MIER2: variants seen among roughly 807,000 people sequenced by gnomAD.
The protein encoded by MIER2 is mesoderm induction early response protein 2.
Under a neutral mutation model 67.6 loss-of-function variants are expected in MIER2, and 30 were observed. The observed-to-expected ratio is 0.44, with a 90% CI of 0.33 to 0.60. The LOEUF (loss-of-function observed/expected upper bound fraction) is 0.60, where lower values mean the gene tolerates loss of function less well. Among genes scored for constraint, MIER2 ranks in the 20% least tolerant of loss-of-function variants. MIER2 has a pLI of 0.02. For synonymous variants in MIER2, 372 were observed against 312.6 expected (o/e 1.19, Z -2.00); for missense variants, 702 against 745.1 (o/e 0.94, Z 0.67).
At chr19:335,866 G>A (rs1049728610) in intron 2 of MIER2, among the ~76,000 whole-genome samples, 1 of 152,138 alleles carries the variant, frequency 6.6e-6, no homozygotes, top group African/African-American at 2.4e-5. Context: ...GATGGTCTTG[G>A]GTCGCCTGGG....
Position 307,529 on chromosome 19 carries a change from C to A in MIER2, c.1206G>T (p.Leu402=). Residue 402 remains leucine, a synonymous_variant, in exon 13 of 14, where the codon CTG becomes CTT. Transcript: ENST00000264819. Reference sequence around the variant, plus strand: ...GACCACCGGCCGTGCCATCCACGCTCAGTGGATCTGTGAAAGAGAACGCAA... The same window carrying A: ...GACCACCGGCCGTGCCATCCACGCTAAGTGGATCTGTGAAAGAGAACGCAA... ...DTLTGMRTDP[L]SVDGTAGGLD... is the part of the protein sequence containing the mutation. 1 of 1,504,856 alleles carries A rather than the reference C, an allele frequency of 6.6e-7. No individual in the cohort carries two copies. The allele number at this position is 1,504,856 out of a possible 1,614,324, so 93.2% of individuals were successfully genotyped here.
chr19:343,774 G>T, intron 1 of MIER2: 2 of 913,904 alleles, frequency 2.2e-6, no homozygotes, highest in Non-Finnish European at 2.6e-6. Flanking sequence ...GAGTCCCACT[G>T]ACTGAGCACC....
rs376370496 is a variant in MIER2 at position 328,118 on chromosome 19, A to C, written c.244-129T>G. ...TGTCACACCCATAGCAACTCCCCAC[A>C]TGGCAGCACTCCCCAGCCAGACCTC... On this transcript the variant is annotated intron_variant, in intron 3 of 13. Transcript: ENST00000264819. 2.2e-4 allele frequency: 282 copies of C among 1,260,848 alleles called. 2 individuals are homozygous for C. In the South Asian group the frequency reaches 3.8e-3, roughly 17 times the overall value. 78.1% of individuals were successfully genotyped at this position (1,260,848 alleles called of 1,614,324 possible). A position where few individuals can be genotyped will look rare whatever the true frequency, so the allele number is the denominator to read the frequency against.
intron 3 of MIER2, among the ~76,000 whole-genome samples, chr19:329,078 T>C (rs1484417852): frequency 1.7e-4 from 26 of 152,192 alleles, no homozygotes; most frequent in Admixed American, 1.7e-3. Flanking sequence ...TCCACGCTGA[T>C]CCCTGTGGGT....
intron 3 of MIER2, chr19:334,039 G>A: frequency 1.0e-5 from 2 of 195,562 alleles, no homozygotes; most frequent in South Asian, 1.9e-4. Flanking sequence ...TGGCCAAGCT[G>A]GTCTCGAACT....
intron 7 of MIER2, among the ~76,000 whole-genome samples, chr19:315,883 C>T (rs1971216562): frequency 6.6e-6 from 1 of 152,328 alleles, no homozygotes; most frequent in African/African-American, 2.4e-5. Context: ...GACGTGTGCA[C>T]AGGCACAGGA....
chr19:327,039 T>TGG, intron 5 of MIER2, 94 bp downstream of exon 5: 1 of 1,483,472 alleles, frequency 6.7e-7, no homozygotes, highest in Non-Finnish European at 9.0e-7. Context: ...TGATGAGTTC[T>TGG]TGGCCTGCAT....
chr19:313,395 CTCTGCCCTCCCT>C (rs1971100866), intron 8 of MIER2, 85 bp downstream of exon 8: 4 of 1,536,520 alleles, frequency 2.6e-6, no homozygotes, highest in South Asian at 1.2e-5. Context: ...CTGCCCTCCC[CTCTGCCCTCCCT>C]GGCCCCTGGA....
chr19:311,758 A>G, intron 10 of MIER2, 87 bp downstream of exon 10: 2 of 1,291,300 alleles, frequency 1.5e-6, no homozygotes, highest in Middle Eastern at 1.9e-4. Flanking sequence ...CCAGGCCTCC[A>G]GTCGGCCGTG....
intron 4 of MIER2, 130 bp from the exon 5 acceptor site, chr19:327,386 A>T: frequency 8.3e-7 from 1 of 1,207,894 alleles, no homozygotes; most frequent in Admixed American, 2.4e-5. Flanking sequence ...CCCATTCTGC[A>T]AAGGGTGCAC....
In MIER2 at chr19:324,157, G is replaced by A. The variant is rs964515963; in HGVS notation, c.655+1478C>T. Among the ~76,000 whole-genome samples the A allele has an allele frequency of 2.9e-5, 4 of 137,690 alleles. 1 individual carries two copies. The highest frequency in any genetic ancestry group is 4.4e-4 in the South Asian group (2 of 4,542). 90.3% of individuals were successfully genotyped at this position (137,690 alleles called of 152,430 possible). A position where few individuals can be genotyped will look rare whatever the true frequency, so the allele number is the denominator to read the frequency against. On this transcript the variant is annotated intron_variant, in intron 7 of 13. Transcript: ENST00000264819. ...CACAGACGACTCGAATGACACAGGC[G>A]TCATCACAATGCAATACACAGGACA...
chr19:307,425 G>T lies in MIER2; in HGVS notation c.1310C>A (p.Ser437Tyr), dbSNP rs773418677. The T allele has an allele frequency of 2.5e-6, 4 of 1,597,848 alleles. No individual in the cohort carries two copies. Among genetic ancestry groups the T allele is most frequent in the South Asian group, 1.1e-5 (1 of 89,356 alleles). Residue 437 changes from serine (S) to tyrosine (Y), a missense_variant, in exon 13 of 14, where the codon TCC (serine) becomes TAC (tyrosine). Ser to Tyr is a moderately radical substitution (Grantham distance 144, BLOSUM62 -2). This residue lies in a region of MIER2 where 254 missense variants were observed against 262.8 expected (regional missense o/e 0.97). Coordinates refer to ENST00000264819, the MANE Select transcript of MIER2 (RefSeq NM_017550.3). ...CCGATGGGACAGGGGTACAGCGGGG[G>T]ACTCATCCAGCTGCTGGAAGGAACA... is the stretch of plus-strand genomic sequence containing the variant. ...GPCSFQQLDE[S>Y]PAVPLSHRPP...
At chr19:314,686 G>A (rs905572398) in intron 7 of MIER2, among the ~76,000 whole-genome samples, 8 of 151,860 alleles carry the variant, frequency 5.3e-5, no homozygotes, top group Non-Finnish European at 8.8e-5. Context: ...CTCCACAGGC[G>A]ACACCTGAGC....
intron 1 of MIER2, among the ~76,000 whole-genome samples, chr19:337,604 C>T (rs1384238224): frequency 3.9e-5 from 6 of 152,130 alleles, no homozygotes; most frequent in East Asian, 1.9e-4. Flanking sequence ...CGGTGGCTCA[C>T]GCCTGTAATC....
At chr19:307,898 T>TA (rs1431845208) in intron 12 of MIER2, among the ~76,000 whole-genome samples, 1 of 116,840 alleles carries the variant, frequency 8.6e-6, no homozygotes, top group Non-Finnish European at 1.7e-5. Context: ...CGAGGGCTAA[T>TA]ACAGGGTCTT....
intron 3 of MIER2, among the ~76,000 whole-genome samples, chr19:331,440 G>C (rs1396235935): frequency 6.6e-6 from 1 of 151,542 alleles, no homozygotes; most frequent in Non-Finnish European, 1.5e-5. Context: ...GACCTAGGTA[G>C]AAAAATTGCT....
chr19:328,969 G>A (rs1159240716), intron 3 of MIER2, among the ~76,000 whole-genome samples: 5 of 152,150 alleles, frequency 3.3e-5, no homozygotes, highest in East Asian at 1.9e-4. Flanking sequence ...GAAGAGATGC[G>A]AACTATCAAC....
chr19:324,064 G>C (rs1045014359), intron 7 of MIER2, among the ~76,000 whole-genome samples: 2 of 110,496 alleles, frequency 1.8e-5, no homozygotes, highest in Non-Finnish European at 3.6e-5. Flanking sequence ...CAATACACAA[G>C]ACACACACAA....
intron 8 of MIER2, 46 bp downstream of exon 8, chr19:313,446 C>T: frequency 1.3e-6 from 2 of 1,591,300 alleles, no homozygotes. Flanking sequence ...CTGGCCCACG[C>T]CACGGCAGCC....
Sources: gnomAD v4.1 joint callset for allele counts (sites outside exome capture counted in the v4.1 genomes callset) on GRCh38, gnomAD v4.1.1 for gene constraint, gnomAD v4.1.1 regional missense constraint, MANE v1.5 for transcripts, NCBI Gene and HGNC (gene_info 2026-07-23, HGNC 2026-07-21) for gene names.